The following ABI1 variants were observed in gnomAD, a reference collection of about 807,000 sequenced individuals.
The protein encoded by ABI1 is Abelson interactor 1.
In ABI1, 14 loss-of-function variants were observed where a neutral mutation model predicts 54.6. The ratio of observed to expected loss-of-function variants is 0.26; its 90% CI spans 0.17 to 0.40. ABI1 has a LOEUF of 0.40. Ranked by LOEUF, ABI1 falls within the 10% of genes least tolerant of loss-of-function variation. The pLI is 1.00. For missense variants in ABI1, 443 were observed against 598.3 expected (o/e 0.74, Z 2.71); for synonymous variants, 194 against 209.3 (o/e 0.93, Z 0.63).
At chr10:26,768,794 G>A in intron 6 of ABI1, 58 bp downstream of exon 6, 1 of 1,503,640 alleles carries the variant, frequency 6.7e-7, no homozygotes, top group Non-Finnish European at 9.0e-7. Flanking sequence ...ATAGGAGTTT[G>A]TCGCCAGTCA....
intron 2 of ABI1, chr10:26,789,010 A>AG (rs1843080512): frequency 6.6e-6 from 1 of 151,566 alleles, no homozygotes; most frequent in Non-Finnish European, 1.5e-5. Flanking sequence ...AAAAAAAAAA[A>AG]GTGGATCCTC....
At chr10:26,765,656 A>C (rs2132654074) in intron 6 of ABI1, among the ~76,000 whole-genome samples, 2 of 102,778 alleles carry the variant, frequency 1.9e-5, no homozygotes, top group East Asian at 6.2e-4. Context: ...AGGAAGGGAA[A>C]GGAGAGAGGG....
chr10:26,782,887 T>C (rs1007170628), intron 2 of ABI1, among the ~76,000 whole-genome samples: 2 of 152,160 alleles, frequency 1.3e-5, no homozygotes, highest in African/African-American at 4.8e-5. Flanking sequence ...ACTGGAGCCC[T>C]TGTGCACTTG....
chr10:26,819,859 C>A (rs1484044470), intron 2 of ABI1, among the ~76,000 whole-genome samples: 3 of 152,134 alleles, frequency 2.0e-5, no homozygotes, highest in Admixed American at 1.3e-4. Context: ...AAAGAAAATT[C>A]TGTTATTTGC....
At chr10:26,819,354 T>TA (rs1382856892) in intron 2 of ABI1, among the ~76,000 whole-genome samples, 1 of 152,188 alleles carries the variant, frequency 6.6e-6, no homozygotes, top group Non-Finnish European at 1.5e-5. Context: ...TTTACAAAGA[T>TA]AAAGGGTCTA....
At chr10:26,805,659 A>G (rs2133444299) in intron 2 of ABI1, among the ~76,000 whole-genome samples, 1 of 152,298 alleles carries the variant, frequency 6.6e-6, no homozygotes, top group South Asian at 2.1e-4. Context: ...GTTTACCCTA[A>G]AAGCAAAGAA....
chr10:26,750,427 G>A (rs1330274627), intron 10 of ABI1, among the ~76,000 whole-genome samples: 1 of 152,148 alleles, frequency 6.6e-6, no homozygotes, highest in African/African-American at 2.4e-5. Flanking sequence ...CTGGGAGGCG[G>A]AAGTTGCAGT....
chr10:26,777,342 C>T (rs752397130), intron 2 of ABI1, 101 bp from the exon 3 acceptor site: 3 of 771,666 alleles, frequency 3.9e-6, no homozygotes, highest in Admixed American at 6.8e-5. Flanking sequence ...CAGGGCTGTA[C>T]ACCATATGTC....
At chr10:26,852,432 T>C (rs928777516) in intron 1 of ABI1, among the ~76,000 whole-genome samples, 3 of 152,078 alleles carry the variant, frequency 2.0e-5, no homozygotes, top group African/African-American at 7.2e-5. Context: ...TGAGCAGAGA[T>C]TGTGCCATTA....
chr10:26,823,283 A>G lies in ABI1; in HGVS notation c.140T>C (p.Leu47Ser). Reference protein sequence around the residue: ...YIQATDKRKALEETKAYTTQS... With the variant: ...YIQATDKRKASEETKAYTTQS... ...GGTTGTATAGGCTTTGGTCTCCTCT[A>G]AAGCTTTTCTCTTGTCTGTAGCCTG... The change falls in exon 2 of 11, where the codon TTA (leucine) becomes TCA (serine). Residue 47 changes from leucine (L) to serine (S), a missense_variant. Leu to Ser is a moderately radical substitution (Grantham distance 145). Coordinates refer to ENST00000376140, the MANE Select transcript of ABI1 (RefSeq NM_001012750.3). 1 of 1,550,082 alleles carries G rather than the reference A, an allele frequency of 6.5e-7. No individual in the cohort carries two copies. Among genetic ancestry groups the G allele is most frequent in the East Asian group, 2.4e-5 (1 of 41,530 alleles).
At chr10:26,799,031 T>C (rs1386679171) in intron 2 of ABI1, among the ~76,000 whole-genome samples, 7 of 151,998 alleles carry the variant, frequency 4.6e-5, no homozygotes, top group Admixed American at 2.0e-4. Flanking sequence ...CAAAATGATG[T>C]TGTTTCATTT....
intron 2 of ABI1, among the ~76,000 whole-genome samples, chr10:26,785,482 G>A (rs1447477703): frequency 6.6e-6 from 1 of 152,158 alleles, no homozygotes; most frequent in East Asian, 1.9e-4. Context: ...AGCACTTTGG[G>A]AGGCCGAGTA....
intron 1 of ABI1, among the ~76,000 whole-genome samples, chr10:26,823,951 C>A (rs1368850322): frequency 6.7e-6 from 1 of 150,112 alleles, no homozygotes; most frequent in Non-Finnish European, 1.5e-5. Context: ...ATATCACTAA[C>A]ATATAATCTA....
At chr10:26,817,946 A>G (rs2133699128) in intron 2 of ABI1, among the ~76,000 whole-genome samples, 1 of 151,760 alleles carries the variant, frequency 6.6e-6, no homozygotes, top group African/African-American at 2.4e-5. Flanking sequence ...ACTTGAGGTC[A>G]GGAGTTTGAG....
chr10:26,808,265 T>C (rs1312880904), intron 2 of ABI1, among the ~76,000 whole-genome samples: 3 of 152,224 alleles, frequency 2.0e-5, no homozygotes, highest in African/African-American at 7.2e-5. Flanking sequence ...ATAGGAACTA[T>C]TCTGTTATTA....
At chr10:26,772,090 T>G (rs562849522) in intron 3 of ABI1, among the ~76,000 whole-genome samples, 1 of 152,024 alleles carries the variant, frequency 6.6e-6, no homozygotes, top group Admixed American at 6.6e-5. Context: ...AAGGAGAGAT[T>G]TGGTGTCTTT....
At chr10:26,770,408 C>CAGGAG in intron 4 of ABI1, 63 bp from the exon 5 acceptor site, 1 of 1,411,952 alleles carries the variant, frequency 7.1e-7, no homozygotes, top group Non-Finnish European at 1.0e-6. Flanking sequence ...GTTTTAACAC[C>CAGGAG]ATGTATTATT....
rs1048710244 is a variant in ABI1 at position 26,860,604 on chromosome 10, G to C, written c.117+143C>G. On this transcript the variant is annotated intron_variant, in intron 1 of 10. Coordinates refer to ENST00000376140, the MANE Select transcript of ABI1 (RefSeq NM_001012750.3). The surrounding 1 kb of genome is among the most constrained non-coding windows in gnomAD (Gnocchi z 4.1). Reference sequence around the variant, plus strand: ...CCGGCCACTCGCTCTGTCCCCGGTTGGGGCTGGGGTTGGGGCTGCGGTAGG... The same window carrying C: ...CCGGCCACTCGCTCTGTCCCCGGTTCGGGCTGGGGTTGGGGCTGCGGTAGG... 7.4e-6 allele frequency: 5 copies of C among 673,612 alleles called. No individual in the cohort carries two copies. Among genetic ancestry groups the C allele is most frequent in the Non-Finnish European group, 1.3e-5 (5 of 381,760 alleles). The allele number at this position is 673,612 out of a possible 1,614,324, so 41.7% of individuals were successfully genotyped here. A position where few individuals can be genotyped will look rare whatever the true frequency, so the allele number is the denominator to read the frequency against.
chr10:26,812,180 A>C (rs986557043), intron 2 of ABI1, among the ~76,000 whole-genome samples: 1 of 152,124 alleles, frequency 6.6e-6, no homozygotes, highest in African/African-American at 2.4e-5. Flanking sequence ...AAGATCTTTA[A>C]TTTATACTTG....
Sources: allele counts gnomAD v4.1 joint callset (sites outside exome capture counted in the v4.1 genomes callset), GRCh38; gene constraint gnomAD v4.1.1; non-coding constraint Gnocchi (gnomAD v3.1); transcripts MANE v1.5; gene names NCBI Gene and HGNC (gene_info 2026-07-23, HGNC 2026-07-21).